The following ADCY1 variants were observed in gnomAD, a reference collection of about 807,000 sequenced individuals.
ADCY1 encodes the protein adenylate cyclase 1, also known as adenylate cyclase type 1.
ADCY1 carries 28 observed loss-of-function variants against 105.4 expected under a neutral mutation model. The observed-to-expected ratio is 0.27, with a 90% CI of 0.20 to 0.36. The LOEUF (loss-of-function observed/expected upper bound fraction) is 0.36, where lower values mean the gene tolerates loss of function less well. Ranked by LOEUF, ADCY1 falls within the 10% of genes least tolerant of loss-of-function variation. ADCY1 has a pLI of 1.00. For missense variants in ADCY1, 977 were observed against 1,434.2 expected, an observed-to-expected ratio of 0.68 and a Z score of 5.15; for synonymous variants, 655 against 623.8, an observed-to-expected ratio of 1.05 and a Z score of -0.75.
Position 45,686,983 on chromosome 7 carries a change from T to C in ADCY1, c.2454+310T>C, listed in dbSNP as rs889449138. Among the ~76,000 whole-genome samples the C allele has an allele frequency of 2.0e-5, 3 of 152,066 alleles. No individual in the cohort carries two copies. The highest frequency in any genetic ancestry group is 4.4e-5 in the Non-Finnish European group (3 of 67,992). On this transcript the variant is annotated intron_variant, in intron 14 of 19. Transcript: ENST00000297323. The surrounding 1 kb of genome is among the most constrained non-coding windows in gnomAD (Gnocchi z 4.3). Reference sequence around the variant, plus strand: ...GTGAGTCCCCCTTCACTGAACAGCATGTGCAGTGGTGGTGCAGAGGGGCTC... The same window carrying C: ...GTGAGTCCCCCTTCACTGAACAGCACGTGCAGTGGTGGTGCAGAGGGGCTC...
chr7:45,667,458 T>C (rs1348979861), intron 8 of ADCY1, among the ~76,000 whole-genome samples: 2 of 152,246 alleles, frequency 1.3e-5, no homozygotes, highest in Non-Finnish European at 2.9e-5. Context: ...GCATTATTTC[T>C]GAGGGCTCTG....
At position 45,660,233 on chromosome 7, in the gene ADCY1, G is replaced by A. The variant is rs539553797; in HGVS notation, c.1449+50G>A. On this transcript the variant is annotated intron_variant, in intron 7 of 19. Coordinates refer to ENST00000297323, the MANE Select transcript of ADCY1 (RefSeq NM_021116.4). The stretch of plus-strand genomic sequence containing the variant: ...TGGTTGATCCTTAGCTTCTTGGCCT[G>A]TGCAGAGCTTTACAGATGTGACTCC... The A allele has an allele frequency of 5.6e-6, 9 of 1,607,102 alleles. No homozygotes were observed. In the African/African-American group the frequency reaches 9.4e-5, roughly 17 times the overall value.
At chr7:45,663,941 C>T (rs2461105) in intron 8 of ADCY1, among the ~76,000 whole-genome samples, 3 of 152,294 alleles carry the variant, frequency 2.0e-5, no homozygotes, top group Non-Finnish European at 2.9e-5. Context: ...CGTGCTGTTG[C>T]GGGGAGAGGT....
intron 8 of ADCY1, among the ~76,000 whole-genome samples, chr7:45,675,053 G>A (rs1213579842): frequency 6.6e-6 from 1 of 152,092 alleles, no homozygotes; most frequent in African/African-American, 2.4e-5. Flanking sequence ...TTATTGATAT[G>A]TTATTGATAA....
chr7:45,586,350 C>T (rs1584248989), intron 1 of ADCY1, among the ~76,000 whole-genome samples: 1 of 152,162 alleles, frequency 6.6e-6, no homozygotes, highest in Non-Finnish European at 1.5e-5. Flanking sequence ...AACATAGCTT[C>T]ACGCATTAGA....
At chr7:45,649,217 C>T (rs1344775087) in intron 5 of ADCY1, among the ~76,000 whole-genome samples, 2 of 152,174 alleles carry the variant, frequency 1.3e-5, no homozygotes, top group African/African-American at 4.8e-5. Context: ...GTCTCAGATG[C>T]TCTCTGTGTG....
At chr7:45,693,679 G>A (rs550217547) in intron 14 of ADCY1, among the ~76,000 whole-genome samples, 8 of 151,390 alleles carry the variant, frequency 5.3e-5, no homozygotes, top group South Asian at 4.2e-4. Flanking sequence ...TGTTTATTGC[G>A]GCACTATTCA....
chr7:45,691,208 A>G (rs980383208), intron 14 of ADCY1, among the ~76,000 whole-genome samples: 3 of 152,200 alleles, frequency 2.0e-5, no homozygotes, highest in Non-Finnish European at 2.9e-5. Flanking sequence ...TGAGCATACC[A>G]GTAATTTTAG....
At chr7:45,642,845 T>C (rs1794561381) in intron 4 of ADCY1, among the ~76,000 whole-genome samples, 1 of 152,210 alleles carries the variant, frequency 6.6e-6, no homozygotes, top group South Asian at 2.1e-4. Context: ...GGTGGAGGTT[T>C]TTAATTCCCT....
At chr7:45,628,196 C>G (rs189498798) in intron 4 of ADCY1, among the ~76,000 whole-genome samples, 1 of 152,224 alleles carries the variant, frequency 6.6e-6, no homozygotes, top group Non-Finnish European at 1.5e-5. Flanking sequence ...CTGAGAGCCA[C>G]TCTCTAAAGC....
intron 3 of ADCY1, among the ~76,000 whole-genome samples, chr7:45,616,811 C>T (rs780245507): frequency 6.6e-6 from 1 of 152,108 alleles, no homozygotes; most frequent in Admixed American, 6.5e-5. Flanking sequence ...GAAGTCCTGC[C>T]CAGAGCAATT....
At chr7:45,636,354 A>G (rs1794398092) in intron 4 of ADCY1, among the ~76,000 whole-genome samples, 1 of 152,170 alleles carries the variant, frequency 6.6e-6, no homozygotes, top group Non-Finnish European at 1.5e-5. Flanking sequence ...TGCTATGTAA[A>G]TAGTTGTTAT....
intron 2 of ADCY1, among the ~76,000 whole-genome samples, chr7:45,596,277 C>T (rs925232124): frequency 2.6e-5 from 4 of 152,186 alleles, no homozygotes; most frequent in Non-Finnish European, 5.9e-5. Context: ...AGAGCCTTCT[C>T]CAGCCACTTG....
intron 5 of ADCY1, among the ~76,000 whole-genome samples, chr7:45,653,681 C>T (rs1794868501): frequency 6.6e-6 from 1 of 152,178 alleles, no homozygotes; most frequent in Admixed American, 6.5e-5. Context: ...AGGTTTGAGT[C>T]CCTCTCCCCC....
At chr7:45,679,572 A>G (rs1784518960) in intron 10 of ADCY1, 137 bp from the exon 11 acceptor site, 1 of 796,548 alleles carries the variant, frequency 1.3e-6, no homozygotes, top group Non-Finnish European at 2.1e-6. Context: ...CCTGAGTGGC[A>G]GGCATCCAGG....
In ADCY1 at chr7:45,634,598, A is replaced by G. The variant is rs963503380; in HGVS notation, c.1020+11855A>G. On this transcript the variant is annotated intron_variant, in intron 4 of 19. Coordinates refer to ENST00000297323, the MANE Select transcript of ADCY1 (RefSeq NM_021116.4). ...TTCCTTGGACAAGCCCTACTTGGACATAAAGATGGTCCCCGACTTATGATA... is the reference window on the plus strand; with the variant it reads ...TTCCTTGGACAAGCCCTACTTGGACGTAAAGATGGTCCCCGACTTATGATA... Among the ~76,000 whole-genome samples, 42 of 152,186 alleles carry G rather than the reference A, an allele frequency of 2.8e-4. 1 individual carries two copies. Among genetic ancestry groups the G allele is most frequent in the African/African-American group, 9.9e-4 (41 of 41,444 alleles).
intron 5 of ADCY1, among the ~76,000 whole-genome samples, chr7:45,651,284 C>T (rs1295808185): frequency 3.9e-5 from 6 of 152,074 alleles, no homozygotes; most frequent in Non-Finnish European, 4.4e-5. Flanking sequence ...ACCCTGGGAC[C>T]CACCAGTGTG....
At chr7:45,685,120 G>A (rs1562722992) in intron 12 of ADCY1, 52 bp downstream of exon 12, 9 of 1,517,290 alleles carry the variant, frequency 5.9e-6, no homozygotes, top group Non-Finnish European at 8.2e-6. Flanking sequence ...GGCATGGCAT[G>A]GAGGACCAGC....
At chr7:45,620,065 TA>T (rs1793849805) in intron 3 of ADCY1, among the ~76,000 whole-genome samples, 1 of 152,148 alleles carries the variant, frequency 6.6e-6, no homozygotes, top group Non-Finnish European at 1.5e-5. Context: ...TGTTAAGCCT[TA>T]AAAAAGGAAA....
Sources: allele counts gnomAD v4.1 joint callset (sites outside exome capture counted in the v4.1 genomes callset), GRCh38; gene constraint gnomAD v4.1.1; non-coding constraint Gnocchi (gnomAD v3.1); transcripts MANE v1.5; gene names NCBI Gene and HGNC (gene_info 2026-07-23, HGNC 2026-07-21).